The following EPHB2 variants were observed in gnomAD, a reference collection of about 807,000 sequenced individuals.
The protein encoded by EPHB2 is EPH receptor B2.
In EPHB2, 18 loss-of-function variants were observed where a neutral mutation model predicts 96.4. The ratio of observed to expected loss-of-function variants is 0.19; its 90% CI spans 0.13 to 0.28. EPHB2 has a LOEUF of 0.28. Among genes scored for constraint, EPHB2 ranks in the 10% least tolerant of loss-of-function variants. The pLI is 1.00. For synonymous variants in EPHB2, 506 were observed against 534.1 expected (o/e 0.95, Z 0.72); for missense variants, 989 against 1,355.4 (o/e 0.73, Z 4.25).
intron 3 of EPHB2, among the ~76,000 whole-genome samples, chr1:22,837,402 TAC>T (rs1645401421): frequency 6.6e-6 from 1 of 152,116 alleles, no homozygotes; most frequent in African/African-American, 2.4e-5. Flanking sequence ...ATGTGATGTT[TAC>T]AGAGTCACAA....
intron 9 of EPHB2, among the ~76,000 whole-genome samples, chr1:22,901,745 C>T (rs1639753132): frequency 6.6e-6 from 1 of 151,986 alleles, no homozygotes; most frequent in Admixed American, 6.6e-5. Context: ...ACTCTGTAGC[C>T]GGCCTGGGTT....
Position 22,784,518 on chromosome 1 carries a change from C to T in EPHB2, c.253C>T (p.Arg85Cys), listed in dbSNP as rs1369130825. 5.0e-6 allele frequency: 8 copies of T among 1,613,748 alleles called. No homozygotes were observed. Among genetic ancestry groups the T allele is most frequent in the East Asian group, 2.2e-5 (1 of 44,870 alleles). Residue 85 changes from arginine to cysteine, a missense_variant, in exon 3 of 16, where the codon CGC becomes TGC. Physicochemically the swap from Arg to Cys is radical, Grantham distance 180 (BLOSUM62 -3). Coordinates refer to ENST00000374630, the MANE Select transcript of EPHB2 (RefSeq NM_017449.5). This position sits in a 1 kb window ranked among gnomAD's most constrained non-coding sequence, Gnocchi z 5.1. ...GTTTATCCGGCGCCGTGGCGCCCAC[C>T]GCATCCACGTGGAGATGAAGTTTTC... is the stretch of plus-strand genomic sequence containing the variant. ...TKFIRRRGAH[R>C]IHVEMKFSVR...
chr1:22,843,504 A>G (rs1405231825), intron 3 of EPHB2, among the ~76,000 whole-genome samples: 2 of 151,842 alleles, frequency 1.3e-5, no homozygotes, highest in Non-Finnish European at 2.9e-5. Context: ...CCCACCCTCC[A>G]CCCTCAAGTA....
intron 1 of EPHB2, among the ~76,000 whole-genome samples, chr1:22,754,097 AG>A (rs1303029574): frequency 1.3e-5 from 2 of 152,106 alleles, no homozygotes; most frequent in Non-Finnish European, 2.9e-5. Context: ...TGGGCTCCTT[AG>A]GGGGCACCCC....
chr1:22,732,393 G>A (rs1007461407), intron 1 of EPHB2, among the ~76,000 whole-genome samples: 5 of 152,100 alleles, frequency 3.3e-5, no homozygotes, highest in East Asian at 1.9e-4. Context: ...GTGGGGGGCC[G>A]GAGGGCGGCT....
Position 22,857,750 on chromosome 1 carries a change from A to T in EPHB2, c.812-5287A>T, listed in dbSNP as rs77907877. Among the ~76,000 whole-genome samples the T allele has an allele frequency of 4.6e-3, 698 of 152,180 alleles. 3 individuals are homozygous for T. The highest frequency in any genetic ancestry group is 0.015 in the African/African-American group (640 of 41,510). The stretch of plus-strand genomic sequence containing the variant: ...CCCAGACAGGCACAGACTCAGCTAA[A>T]TATTTTCTCACCCACCTTCTTATCT... On this transcript the variant is annotated intron_variant, in intron 3 of 15. Coordinates refer to ENST00000374630, the MANE Select transcript of EPHB2 (RefSeq NM_017449.5).
chr1:22,787,709 C>T (rs777506143), intron 3 of EPHB2, among the ~76,000 whole-genome samples: 2 of 152,172 alleles, frequency 1.3e-5, no homozygotes, highest in African/African-American at 2.4e-5. Flanking sequence ...TGCCACTGCA[C>T]TCCAGCCTGG....
At chr1:22,879,372 T>A (rs1194209241) in intron 5 of EPHB2, among the ~76,000 whole-genome samples, 1 of 152,184 alleles carries the variant, frequency 6.6e-6, no homozygotes, top group Non-Finnish European at 1.5e-5. Context: ...TTTTGTTGTT[T>A]CACTGGGACA....
intron 3 of EPHB2, among the ~76,000 whole-genome samples, chr1:22,850,825 C>T (rs570093386): frequency 3.9e-5 from 6 of 152,142 alleles, no homozygotes; most frequent in Non-Finnish European, 7.3e-5. Context: ...GCAGGAGAAA[C>T]GGCGCATGCA....
At chr1:22,775,522 C>T (rs1249220493) in intron 1 of EPHB2, among the ~76,000 whole-genome samples, 1 of 152,272 alleles carries the variant, frequency 6.6e-6, no homozygotes, top group Non-Finnish European at 1.5e-5. Flanking sequence ...GAGCAACCAC[C>T]CGCTCCAGCC....
At position 22,875,513 on chromosome 1, in the gene EPHB2, T is replaced by C. The variant is rs999538939; in HGVS notation, c.1304-6846T>C. Among the ~76,000 whole-genome samples the C allele has an allele frequency of 2.0e-5, 3 of 152,138 alleles. No individual in the cohort carries two copies. Among genetic ancestry groups the C allele is most frequent in the African/African-American group, 7.2e-5 (3 of 41,434 alleles). On this transcript the variant is annotated intron_variant, in intron 5 of 15. Transcript: ENST00000374630. The surrounding 1 kb of genome is among the most constrained non-coding windows in gnomAD (Gnocchi z 4.2). ...CTTGGGAAGTACTGCCTGGGGCCTT[T>C]GTTTTAGTGGCCAGCCCACAAGGTC...
intron 6 of EPHB2, among the ~76,000 whole-genome samples, chr1:22,885,400 C>A (rs749492832): frequency 6.6e-6 from 1 of 152,226 alleles, no homozygotes; most frequent in Non-Finnish European, 1.5e-5. Context: ...GCAGCTCTGC[C>A]CTACTTTCCG....
intron 1 of EPHB2, among the ~76,000 whole-genome samples, chr1:22,727,504 G>A (rs926086000): frequency 5.3e-5 from 8 of 152,160 alleles, no homozygotes; most frequent in African/African-American, 1.4e-4. Flanking sequence ...CTCTTCCATC[G>A]AGCCTGGACA....
chr1:22,901,680 G>C (rs1639751064), intron 9 of EPHB2, among the ~76,000 whole-genome samples: 1 of 152,228 alleles, frequency 6.6e-6, no homozygotes, highest in African/African-American at 2.4e-5. Context: ...TATTCCAAGA[G>C]ACAGACTGGG....
Position 22,775,064 on chromosome 1 carries a change from A to G in EPHB2, c.62-6357A>G, listed in dbSNP as rs529287739. On this transcript the variant is annotated intron_variant, in intron 1 of 15. Transcript: ENST00000374630. ...TGCTGCCCTCCTCCTGCCCCTTGCTATTCTCACACAGGCCCATGCAGAGAG... is the reference window on the plus strand; with the variant it reads ...TGCTGCCCTCCTCCTGCCCCTTGCTGTTCTCACACAGGCCCATGCAGAGAG... 15 of 687,116 alleles carry G rather than the reference A, an allele frequency of 2.2e-5. No individual in the cohort carries two copies. In the African/African-American group the frequency reaches 2.5e-4, roughly 11 times the overall value. 42.6% of individuals were successfully genotyped at this position (687,116 alleles called of 1,614,324 possible).
chr1:22,782,404 C>A (rs1264690763), intron 2 of EPHB2, among the ~76,000 whole-genome samples: 1 of 124,630 alleles, frequency 8.0e-6, no homozygotes, highest in Admixed American at 8.3e-5. Context: ...CCCTTCCCTT[C>A]CCCCCACCCC....
At chr1:22,910,357 C>T (rs762006368) in intron 13 of EPHB2, 25 bp from the exon 14 acceptor site, 1 of 1,614,134 alleles carries the variant, frequency 6.2e-7, no homozygotes, top group Non-Finnish European at 8.5e-7. Flanking sequence ...CCACCCAACC[C>T]CACTGCACTC....
intron 3 of EPHB2, among the ~76,000 whole-genome samples, chr1:22,810,523 A>T (rs1557688243): frequency 6.6e-6 from 1 of 152,286 alleles, no homozygotes; most frequent in South Asian, 2.1e-4. Context: ...AAAGTCAAAG[A>T]AGGCACTAAA....
intron 3 of EPHB2, among the ~76,000 whole-genome samples, chr1:22,817,750 G>A (rs1274059775): frequency 1.2e-4 from 19 of 152,234 alleles, no homozygotes; most frequent in Admixed American, 1.0e-3. Context: ...CTGGGCATGA[G>A]TGACCCCCTG....
Sources: gnomAD v4.1 joint callset for allele counts (sites outside exome capture counted in the v4.1 genomes callset) on GRCh38, gnomAD v4.1.1 for gene constraint, Gnocchi (gnomAD v3.1) non-coding constraint, MANE v1.5 for transcripts, NCBI Gene and HGNC (gene_info 2026-07-23, HGNC 2026-07-21) for gene names.